The following ZNF143 variants were observed in gnomAD, a reference collection of about 807,000 sequenced individuals.
ZNF143 encodes zinc finger protein 143.
In ZNF143, 49 loss-of-function variants were observed where a neutral mutation model predicts 74.1. That is an observed-to-expected ratio of 0.66 (90% confidence interval 0.53 to 0.84). The LOEUF is 0.84. ZNF143 is among the 40% of genes least tolerant of loss of function. The probability of loss-of-function intolerance (pLI) is 0.00; values close to 1 mark genes in which losing one functional copy is unlikely to be tolerated. For synonymous variants in ZNF143, 304 were observed against 282.8 expected, an observed-to-expected ratio of 1.07 and a Z score of -0.75; for missense variants, 637 against 793.4, an observed-to-expected ratio of 0.80 and a Z score of 2.37.
chr11:9,487,992 C>G (rs1847626709), intron 7 of ZNF143, among the ~76,000 whole-genome samples: 1 of 152,070 alleles, frequency 6.6e-6, no homozygotes, highest in Non-Finnish European at 1.5e-5. Context: ...GTTTTTATGA[C>G]TTCTTTCCTG....
chr11:9,474,989 G>T, intron 5 of ZNF143, among the ~76,000 whole-genome samples: 1 of 152,174 alleles, frequency 6.6e-6, no homozygotes, highest in Non-Finnish European at 1.5e-5. Context: ...CTGGGCTCAG[G>T]GATCCTCCTG....
chr11:9,481,521 G>C (rs1024876776), intron 7 of ZNF143, among the ~76,000 whole-genome samples: 10 of 152,108 alleles, frequency 6.6e-5, no homozygotes, highest in African/African-American at 2.4e-4. Context: ...TGGAGTGTTG[G>C]AGTGGCCCAA....
intron 1 of ZNF143, among the ~76,000 whole-genome samples, chr11:9,467,853 A>G (rs1856337657): frequency 1.3e-5 from 2 of 151,594 alleles, no homozygotes; most frequent in African/African-American, 4.8e-5. Context: ...TCCAAAAAAA[A>G]AAAAAAAAAA....
At chr11:9,526,382 T>C (rs1197626454) in intron 15 of ZNF143, among the ~76,000 whole-genome samples, 1 of 151,736 alleles carries the variant, frequency 6.6e-6, no homozygotes, top group Non-Finnish European at 1.5e-5. Flanking sequence ...TAAAGTAAAA[T>C]AGAATCCTAG....
At chr11:9,476,746 CTTTTTTTTTTTTTTT>C (rs869069237) in intron 5 of ZNF143, among the ~76,000 whole-genome samples, 14 of 34,854 alleles carry the variant, frequency 4.0e-4, no homozygotes, top group South Asian at 2.4e-3. Flanking sequence ...AGGGAGGAAT[CTTTTTTTTTTTTTTT>C]TTTTTTTTTT....
chr11:9,525,518 TA>T (rs1370807539), intron 15 of ZNF143, 132 bp downstream of exon 15: 2 of 1,226,194 alleles, frequency 1.6e-6, no homozygotes, highest in Non-Finnish European at 2.4e-6. Context: ...TAGCCTACTT[TA>T]AGGAAATCGG....
chr11:9,474,746 C>T (rs1856781524), intron 5 of ZNF143, 113 bp downstream of exon 5: 3 of 1,099,054 alleles, frequency 2.7e-6, no homozygotes, highest in Admixed American at 2.2e-5. Flanking sequence ...TGTATTTATT[C>T]ATTAAAGTAC....
intron 11 of ZNF143, among the ~76,000 whole-genome samples, chr11:9,507,017 C>CA (rs1848388966): frequency 6.6e-6 from 1 of 152,126 alleles, no homozygotes; most frequent in African/African-American, 2.4e-5. Context: ...CTCTTGCCCT[C>CA]ACCACATCTC....
At chr11:9,463,502 G>T (rs1855996734) in intron 1 of ZNF143, among the ~76,000 whole-genome samples, 2 of 152,112 alleles carry the variant, frequency 1.3e-5, no homozygotes, top group Admixed American at 6.6e-5. Flanking sequence ...GTCTCTTGTA[G>T]GTTTGGTTTG....
intron 11 of ZNF143, among the ~76,000 whole-genome samples, chr11:9,504,701 G>T (rs535291467): frequency 2.0e-5 from 2 of 99,788 alleles, no homozygotes; most frequent in African/African-American, 6.6e-5. Context: ...TTGAGACAGC[G>T]TCTCGCTCTG....
At chr11:9,489,757 A>G (rs1277390410) in intron 7 of ZNF143, among the ~76,000 whole-genome samples, 1 of 152,190 alleles carries the variant, frequency 6.6e-6, no homozygotes, top group Non-Finnish European at 1.5e-5. Context: ...GTTAGAAAGG[A>G]GGGGAAGAGA....
intron 7 of ZNF143, among the ~76,000 whole-genome samples, chr11:9,488,639 A>C (rs1565041509): frequency 6.6e-6 from 1 of 152,176 alleles, no homozygotes; most frequent in Non-Finnish European, 1.5e-5. Context: ...CTGTGATAAC[A>C]ATTATTATAT....
At chr11:9,491,664 T>C (rs1196005029) in intron 7 of ZNF143, among the ~76,000 whole-genome samples, 1 of 151,712 alleles carries the variant, frequency 6.6e-6, no homozygotes, top group East Asian at 1.9e-4. Context: ...GGTGTCTCAC[T>C]CTGTCACCCA....
intron 7 of ZNF143, among the ~76,000 whole-genome samples, chr11:9,490,841 T>C (rs1847745808): frequency 1.3e-5 from 2 of 152,080 alleles, no homozygotes; most frequent in South Asian, 2.1e-4. Context: ...CAGGTGATCC[T>C]CCCACCTCAG....
At chr11:9,495,314 G>A (rs1056238799) in intron 8 of ZNF143, among the ~76,000 whole-genome samples, 2 of 152,146 alleles carry the variant, frequency 1.3e-5, no homozygotes, top group Non-Finnish European at 2.9e-5. Context: ...AGTGGCAGGT[G>A]CCTGTAATCC....
chr11:9,490,262 A>T (rs1213522310), intron 7 of ZNF143, among the ~76,000 whole-genome samples: 1 of 150,020 alleles, frequency 6.7e-6, no homozygotes, highest in Non-Finnish European at 1.5e-5. Flanking sequence ...TGGTGGAATT[A>T]TAACACACTT....
intron 14 of ZNF143, among the ~76,000 whole-genome samples, chr11:9,522,159 T>C (rs1848955355): frequency 6.6e-6 from 1 of 151,884 alleles, no homozygotes; most frequent in African/African-American, 2.4e-5. Flanking sequence ...AGGTTTAAAT[T>C]GAATGATCTT....
chr11:9,467,082 C>T (rs1482629421), intron 1 of ZNF143, among the ~76,000 whole-genome samples: 6 of 151,416 alleles, frequency 4.0e-5, no homozygotes, highest in African/African-American at 7.3e-5. Context: ...TTAGTAGAGA[C>T]GGGGTTTCAC....
At chr11:9,519,411 GCTAGGAT>G (rs1848835054) in intron 14 of ZNF143, among the ~76,000 whole-genome samples, 1 of 152,102 alleles carries the variant, frequency 6.6e-6, no homozygotes, top group Non-Finnish European at 1.5e-5. Flanking sequence ...CTCCCAAAGT[GCTAGGAT>G]TACAGGCGTG....
Sources: allele counts gnomAD v4.1 joint callset (sites outside exome capture counted in the v4.1 genomes callset), GRCh38; gene constraint gnomAD v4.1.1; transcripts MANE v1.5; gene names NCBI Gene and HGNC (gene_info 2026-07-23, HGNC 2026-07-21).